The following ABLIM2 variants were observed in gnomAD, a reference collection of about 807,000 sequenced individuals.
ABLIM2 encodes actin binding LIM protein family member 2, also known as actin-binding LIM protein 2.
In ABLIM2, 53 loss-of-function variants were observed where a neutral mutation model predicts 97.7. That is an observed-to-expected ratio of 0.54 (90% CI 0.44 to 0.68). ABLIM2 has a LOEUF of 0.68. Ranked by LOEUF, ABLIM2 falls within the 30% of genes least tolerant of loss-of-function variation. The pLI is 0.00. For synonymous variants in ABLIM2, 361 were observed against 345.8 expected, an observed-to-expected ratio of 1.04 and a Z score of -0.49; for missense variants, 835 against 867.2, an observed-to-expected ratio of 0.96 and a Z score of 0.47.
chr4:8,057,451 C>T (rs1248738723), intron 7 of ABLIM2, among the ~76,000 whole-genome samples: 1 of 152,208 alleles, frequency 6.6e-6, no homozygotes, highest in Non-Finnish European at 1.5e-5. Context: ...CCACTGCACA[C>T]AACTGGCACA....
chr4:8,018,433 A>G (rs1771094544), intron 14 of ABLIM2, among the ~76,000 whole-genome samples: 1 of 152,140 alleles, frequency 6.6e-6, no homozygotes, highest in Admixed American at 6.5e-5. Flanking sequence ...TAAGGGCCCT[A>G]GAGTCTATCT....
intron 20 of ABLIM2, among the ~76,000 whole-genome samples, chr4:7,968,628 G>A (rs942682229): frequency 6.6e-6 from 1 of 152,182 alleles, no homozygotes; most frequent in Non-Finnish European, 1.5e-5. Flanking sequence ...TCCGGAACAG[G>A]CAAGTCCATA....
At chr4:8,051,417 C>T (rs1336228866) in intron 8 of ABLIM2, among the ~76,000 whole-genome samples, 2 of 151,178 alleles carry the variant, frequency 1.3e-5, no homozygotes, top group East Asian at 1.9e-4. Flanking sequence ...ATTAGCTGGA[C>T]GTGGTGGTGC....
At chr4:8,073,150 C>T (rs923664894) in intron 6 of ABLIM2, among the ~76,000 whole-genome samples, 7 of 150,374 alleles carry the variant, frequency 4.7e-5, no homozygotes, top group Non-Finnish European at 7.4e-5. Flanking sequence ...TGGGAGGAGA[C>T]AGGATCAAGC....
chr4:8,054,041 C>T lies in ABLIM2; in HGVS notation c.822+147G>A, dbSNP rs1430237584. 7.6e-6 allele frequency: 6 copies of T among 793,678 alleles called. No individual in the cohort carries two copies. Among genetic ancestry groups the T allele is most frequent in the South Asian group, 1.6e-5 (1 of 61,552 alleles). 49.2% of individuals were successfully genotyped at this position (793,678 alleles called of 1,614,324 possible). A position where few individuals can be genotyped will look rare whatever the true frequency, so the allele number is the denominator to read the frequency against. The stretch of plus-strand genomic sequence containing the variant: ...TCACCAGTCTACTTGTTTACCCTCC[C>T]CACCTCCTAAGCCTGGCTGCCCCCA... On this transcript the variant is annotated intron_variant, in intron 8 of 20. Coordinates refer to ENST00000447017, the MANE Select transcript of ABLIM2 (RefSeq NM_001130083.2). The surrounding 1 kb of genome is among the most constrained non-coding windows in gnomAD (Gnocchi z 4.9).
chr4:8,095,058 TTCTCTTTCTTTCTTTCTCTCTCTC>T lies in ABLIM2; in HGVS notation c.338+2017_338+2040del, dbSNP rs1830823708. ...TTTCCTTCCTTCCTTCTTTCTTTCT[TTCTCTTTCTTTCTTTCTCTCTCTC>T]TCTCTTTCTTTCTTTCTCTTTCCTT... On this transcript the variant is annotated intron_variant, in intron 3 of 20. Coordinates refer to ENST00000447017, the MANE Select transcript of ABLIM2 (RefSeq NM_001130083.2). This position sits in a 1 kb window ranked among gnomAD's most constrained non-coding sequence, Gnocchi z 4.7. 7.3e-6 allele frequency among the ~76,000 whole-genome samples: 1 copy of T among 136,460 alleles called. No individual in the cohort carries two copies. Among genetic ancestry groups the T allele is most frequent in the African/African-American group, 2.6e-5 (1 of 38,400 alleles). 89.5% of individuals were successfully genotyped at this position (136,460 alleles called of 152,430 possible).
In ABLIM2 at chr4:8,130,551, C is replaced by A. The variant is rs948969165; in HGVS notation, c.11-23914G>T. On this transcript the variant is annotated intron_variant, in intron 1 of 20. Transcript: ENST00000447017. The surrounding 1 kb of genome is among the most constrained non-coding windows in gnomAD (Gnocchi z 4.2). ...CCCGAGACACTGTGAGGTGGCGCCACGCTTGGCCCCGCATTACTGGGACTT... is the reference window on the plus strand; with the variant it reads ...CCCGAGACACTGTGAGGTGGCGCCAAGCTTGGCCCCGCATTACTGGGACTT... Among the ~76,000 whole-genome samples, 1 of 151,896 alleles carries A rather than the reference C, an allele frequency of 6.6e-6. No individual in the cohort carries two copies. Among genetic ancestry groups the A allele is most frequent in the Non-Finnish European group, 1.5e-5 (1 of 67,994 alleles).
chr4:8,026,546 G>A (rs2151095388), intron 12 of ABLIM2, among the ~76,000 whole-genome samples: 1 of 152,376 alleles, frequency 6.6e-6, no homozygotes, highest in South Asian at 2.1e-4. Flanking sequence ...TGCGGCCTGG[G>A]AGGCTTTTCC....
At chr4:8,012,089 A>G (rs1000710532) in intron 14 of ABLIM2, among the ~76,000 whole-genome samples, 5 of 149,922 alleles carry the variant, frequency 3.3e-5, no homozygotes, top group African/African-American at 1.2e-4. Context: ...GCCACCACCC[A>G]TCATCCATCT....
At chr4:8,091,441 ATGT>A (rs374785302) in intron 3 of ABLIM2, among the ~76,000 whole-genome samples, 21,139 of 49,702 alleles carry the variant, frequency 0.43, 5,941 homozygotes, top group Non-Finnish European at 0.53. Context: ...ATAATTAATT[ATGT>A]ATTATATATA....
Position 7,984,882 on chromosome 4 carries a change from C to G in ABLIM2, c.1692G>C (p.Leu564=), listed in dbSNP as rs1368399898. 1 of 1,608,706 alleles carries G rather than the reference C, an allele frequency of 6.2e-7. No individual in the cohort carries two copies. The highest frequency in any genetic ancestry group is 1.3e-5 in the African/African-American group (1 of 74,866). The change falls in exon 18 of 21, where the codon CTG becomes CTC. Residue 564 remains leucine (L), a synonymous_variant. Coordinates refer to ENST00000447017, the MANE Select transcript of ABLIM2 (RefSeq NM_001130083.2). Reference sequence around the variant, plus strand: ...CATCCGGGTCTGCTCCACAGGGGGCCAGATTGGCATTCTGGAAGAGAAAGA... The same window carrying G: ...CATCCGGGTCTGCTCCACAGGGGGCGAGATTGGCATTCTGGAAGAGAAAGA... The part of the protein sequence containing the change: ...KNGLDQRNAN[L]APCGADPDAS...
intron 3 of ABLIM2, among the ~76,000 whole-genome samples, chr4:8,091,111 C>G (rs1014672205): frequency 6.7e-6 from 1 of 150,242 alleles, no homozygotes; most frequent in Non-Finnish European, 1.5e-5. Flanking sequence ...GGACACTCCT[C>G]TGGCTTCACA....
At chr4:8,084,723 T>C (rs6849173) in intron 4 of ABLIM2, among the ~76,000 whole-genome samples, 150,979 of 152,338 alleles carry the variant, frequency 0.99, 74,825 homozygotes, top group Middle Eastern at 1. Context: ...TGGAGCTGCT[T>C]GCCATCCCTT....
rs1809039597 is a variant in ABLIM2, at chr4:8,067,878, A to G, written c.676-6824T>C. 6.6e-6 allele frequency among the ~76,000 whole-genome samples: 1 copy of G among 152,184 alleles called. No homozygotes were observed. On this transcript the variant is annotated intron_variant, in intron 6 of 20. Coordinates refer to ENST00000447017, the MANE Select transcript of ABLIM2 (RefSeq NM_001130083.2). This position sits in a 1 kb window ranked among gnomAD's most constrained non-coding sequence, Gnocchi z 5.4. ...TCCCTCCCTCTCAGGCTGGGGTAGT[A>G]TAACCGGGCTCTGTGATTCCAGAGG...
chr4:8,032,929 G>C lies in ABLIM2; in HGVS notation c.1048-3153C>G, dbSNP rs953892240. Among the ~76,000 whole-genome samples, 2 of 152,136 alleles carry C rather than the reference G, an allele frequency of 1.3e-5. No individual in the cohort carries two copies. Among genetic ancestry groups the C allele is most frequent in the Non-Finnish European group, 2.9e-5 (2 of 68,020 alleles). ...AACTGATTTCGTGCCAATGAGCCCA[G>C]AGCTTGTCTCTACCTGGCCACCCCC... On this transcript the variant is annotated intron_variant, in intron 10 of 20. Transcript: ENST00000447017. The surrounding 1 kb of genome is among the most constrained non-coding windows in gnomAD (Gnocchi z 4.3).
chr4:7,974,120 C>A (rs141344606), intron 20 of ABLIM2, among the ~76,000 whole-genome samples: 139 of 152,278 alleles, frequency 9.1e-4, no homozygotes, highest in African/African-American at 3.3e-3. Context: ...ATTGTGTGGG[C>A]CAAGTTCTTA....
In ABLIM2 at chr4:8,067,646, G is replaced by C. The variant is rs1808822519; in HGVS notation, c.676-6592C>G. 1.3e-5 allele frequency: 2 copies of C among 152,376 alleles called. No homozygotes were observed. The highest frequency in any genetic ancestry group is 2.9e-5 in the Non-Finnish European group (2 of 68,132). The allele number at this position is 152,376 out of a possible 1,614,324, so 9.4% of individuals were successfully genotyped here. On this transcript the variant is annotated intron_variant, in intron 6 of 20. Coordinates refer to ENST00000447017, the MANE Select transcript of ABLIM2 (RefSeq NM_001130083.2). The surrounding 1 kb of genome is among the most constrained non-coding windows in gnomAD (Gnocchi z 5.4). ...GTGGAGGGGCAGGGCTGGAGGGCCT[G>C]TGTCTTCAGGCTCTGAGGAACACCA... is the stretch of plus-strand genomic sequence containing the variant.
At position 8,002,110 on chromosome 4, in the gene ABLIM2, T is replaced by C. The variant is rs916778858; in HGVS notation, c.1618+5949A>G. Among the ~76,000 whole-genome samples, 1 of 152,128 alleles carries C rather than the reference T, an allele frequency of 6.6e-6. No homozygotes were observed. Among genetic ancestry groups the C allele is most frequent in the Non-Finnish European group, 1.5e-5 (1 of 68,020 alleles). On this transcript the variant is annotated intron_variant, in intron 16 of 20. Coordinates refer to ENST00000447017, the MANE Select transcript of ABLIM2 (RefSeq NM_001130083.2). The surrounding 1 kb of genome is among the most constrained non-coding windows in gnomAD (Gnocchi z 6.1). The stretch of plus-strand genomic sequence containing the variant: ...GCCACGTACTCACAGTTGGAGTGGC[T>C]GGGGCTACCAACTCCCACGGTTCCA...
At chr4:8,092,747 C>T (rs1012900477) in intron 3 of ABLIM2, among the ~76,000 whole-genome samples, 2 of 152,208 alleles carry the variant, frequency 1.3e-5, no homozygotes, top group Non-Finnish European at 2.9e-5. Context: ...GCGTTTGACC[C>T]CAGGCACATC....
Sources: allele counts gnomAD v4.1 joint callset (sites outside exome capture counted in the v4.1 genomes callset), GRCh38; gene constraint gnomAD v4.1.1; non-coding constraint Gnocchi (gnomAD v3.1); transcripts MANE v1.5; gene names NCBI Gene and HGNC (gene_info 2026-07-23, HGNC 2026-07-21).